Variants in PLXNB3 observed in about 807,000 individuals in gnomAD.
The protein encoded by PLXNB3 is plexin-B3.
Under a neutral mutation model 125.7 loss-of-function variants are expected in PLXNB3, and 80 were observed. The ratio of observed to expected loss-of-function variants is 0.64; its 90% CI spans 0.53 to 0.77. The LOEUF (loss-of-function observed/expected upper bound fraction) is 0.77, where lower values mean the gene tolerates loss of function less well. PLXNB3 is among the 30% of genes least tolerant of loss of function. PLXNB3 has a pLI of 0.00. For missense variants in PLXNB3, 1,836 were observed against 1,729.3 expected (o/e 1.06, Z -1.09); for synonymous variants, 954 against 783.3 (o/e 1.22, Z -3.64).
At chrX:153,776,808 G>C (rs1603250394) in intron 28 of PLXNB3, 79 bp from the exon 29 acceptor site, 1 of 620,069 alleles carries the variant, frequency 1.6e-6, no homozygotes. Context: ...GGGCGGGGAA[G>C]GGCGAGGCAG....
chrX:153,777,484 CCCACACCCTGCCCT>C (rs1557064853), intron 30 of PLXNB3, 30 bp from the exon 31 acceptor site: 1 of 1,195,847 alleles, frequency 8.4e-7, no homozygotes, highest in East Asian at 3.0e-5. Context: ...GTGGATGGCC[CCCACACCCTGCCCT>C]CCACACAGCC....
chrX:153,768,195 T>C (rs2091881328), intron 3 of PLXNB3, 54 bp from the exon 4 acceptor site: 4 of 1,094,179 alleles, frequency 3.7e-6, no homozygotes, highest in Admixed American at 2.4e-5. Flanking sequence ...GTACCCCCCC[T>C]GACTGCCTCT....
In PLXNB3 at chrX:153,777,848, C is replaced by A. The variant is rs782528018; in HGVS notation, c.5262-100C>A. 122 of 1,093,210 alleles carry A rather than the reference C, an allele frequency of 1.1e-4. No homozygotes were observed. The South Asian group carries it at 2.2e-3, about 20-fold the overall frequency. The allele number at this position is 1,093,210 out of a possible 1,213,427, so 90.1% of individuals were successfully genotyped here. On this transcript the variant is annotated intron_variant, in intron 31 of 35. Transcript: ENST00000361971. ...AGGCCACCAGGCCAGCTTCCAGCGG[C>A]CCCTGGCTCCGAGTGTGTTGCCAGT...
intron 12 of PLXNB3, 32 bp from the exon 13 acceptor site, chrX:153,771,278 G>T (rs782434003): frequency 3.5e-6 from 4 of 1,132,235 alleles, no homozygotes; most frequent in Non-Finnish European, 3.6e-6. Flanking sequence ...CCCTGAGTGG[G>T]CACCCAGCCT....
intron 25 of PLXNB3, 75 bp from the exon 26 acceptor site, chrX:153,775,519 G>T (rs1032206231): frequency 7.8e-6 from 9 of 1,155,662 alleles, no homozygotes; most frequent in African/African-American, 3.5e-5. Flanking sequence ...CCCAGCAGGT[G>T]GGGGGAAGGA....
chrX:153,775,875 T>C lies in PLXNB3; in HGVS notation c.4402-12T>C, dbSNP rs782316216. The C allele has an allele frequency of 1.0e-5, 12 of 1,198,830 alleles. No homozygotes were observed. The Admixed American group carries it at 2.2e-4, about 22-fold the overall frequency. The stretch of plus-strand genomic sequence containing the variant: ...CTCGCTTGGCTGATGCCGGCTCATC[T>C]TGGCAGTGCAGGAGGTGGCTGGTGA... On this transcript the variant is annotated splice_polypyrimidine_tract_variant and intron_variant, in intron 26 of 35. Coordinates refer to ENST00000361971, the MANE Select transcript of PLXNB3 (RefSeq NM_005393.3).
chrX:153,767,936 C>T (rs964910374), intron 3 of PLXNB3, 23 bp downstream of exon 3: 5 of 1,082,354 alleles, frequency 4.6e-6, no homozygotes, highest in Non-Finnish European at 4.8e-6. Context: ...CCCTTCCATC[C>T]CCCCTCTCTG....
At position 153,776,472 on chromosome X, in the gene PLXNB3, A is replaced by T. The variant is rs782791334; in HGVS notation, c.4833+13A>T. 1.4e-6 allele frequency: 1 copy of T among 700,135 alleles called. No individual in the cohort carries two copies. The highest frequency in any genetic ancestry group is 4.6e-5 in the East Asian group (1 of 21,616). The allele number at this position is 700,135 out of a possible 1,213,427, so 57.7% of individuals were successfully genotyped here. A position where few individuals can be genotyped will look rare whatever the true frequency, so the allele number is the denominator to read the frequency against. ...GCAACACTACAAGGTGTGAGCAGGG[A>T]CGGGGCGAGGCAGGGCGGGGCTGGG... On this transcript the variant is annotated intron_variant, in intron 28 of 35. Transcript: ENST00000361971.
Position 153,775,228 on chromosome X carries a change from A to G in PLXNB3, c.4159A>G (p.Ile1387Val). ...TGAGCCTCCGACCCCTGCTCAGCTC[A>G]TCCACACCCTGGAGGAGCAGCCCAG... ...LNSKLFLLTLIHTLEEQPSFS... is the reference protein window; with the variant it reads ...LNSKLFLLTLVHTLEEQPSFS... The change falls in exon 25 of 36, where the codon ATC (isoleucine) becomes GTC (valine). Residue 1387 changes from isoleucine (I) to valine (V), a missense_variant. Physicochemically the swap from Ile to Val is conservative, Grantham distance 29. Transcript: ENST00000361971. The G allele has an allele frequency of 1.7e-6, 2 of 1,180,228 alleles. No homozygotes were observed. Among genetic ancestry groups the G allele is most frequent in the Non-Finnish European group, 2.3e-6 (2 of 879,354 alleles).
rs782472336 is a variant in PLXNB3 at position 153,766,295 on chromosome X, C to T, written c.46-578C>T. ...CTCTTTCCCCCAGCTGCGGAGGGTT[C>T]CTCCTTGCAGCCGGCCCTGGCTGCC... On this transcript the variant is annotated intron_variant, in intron 2 of 35. Coordinates refer to ENST00000361971, the MANE Select transcript of PLXNB3 (RefSeq NM_005393.3). 1.2e-5 allele frequency: 14 copies of T among 1,163,348 alleles called. No individual in the cohort carries two copies. The East Asian group carries it at 4.3e-4, about 35-fold the overall frequency.
intron 2 of PLXNB3, chrX:153,766,379 T>TCA (rs2091857838): frequency 9.1e-7 from 1 of 1,103,299 alleles, no homozygotes; most frequent in African/African-American, 1.9e-5. Context: ...CTCACTCCTC[T>TCA]CACCTGACTT....
rs934807409 is a variant in PLXNB3, at chrX:153,777,664, C to T, written c.5237C>T (p.Thr1746Ile). Residue 1746 changes from threonine (T) to isoleucine (I), a missense_variant, in exon 31 of 36, where the codon ACC (threonine) becomes ATC (isoleucine). Thr to Ile is a moderately conservative substitution (Grantham distance 89). Transcript: ENST00000361971. ...AEKHGIEDPGTLHIWKTNSLL... is the reference protein window; with the variant it reads ...AEKHGIEDPGILHIWKTNSLL... ...AAGCACGGCATCGAGGACCCAGGGACCCTGCACATCTGGAAGACCAACAGG... is the reference window on the plus strand; with the variant it reads ...AAGCACGGCATCGAGGACCCAGGGATCCTGCACATCTGGAAGACCAACAGG... 8.3e-7 allele frequency: 1 copy of T among 1,211,664 alleles called. No homozygotes were observed.
chrX:153,773,326 G>T lies in PLXNB3; in HGVS notation c.3003G>T (p.Gln1001His), dbSNP rs2091953871. 1 of 1,208,494 alleles carries T rather than the reference G, an allele frequency of 8.3e-7. No homozygotes were observed. The highest frequency in any genetic ancestry group is 2.2e-5 in the Admixed American group (1 of 45,923). The part of the protein sequence containing the change: ...AAVLVVFGHA[Q>H]RTLLASPFRY... ...TCCTTGTGGTCTTTGGCCATGCCCAGCGCACACTGCTCGCCAGCCCCTTCC... is the reference window on the plus strand; with the variant it reads ...TCCTTGTGGTCTTTGGCCATGCCCATCGCACACTGCTCGCCAGCCCCTTCC... The change falls in exon 18 of 36, where the codon CAG (glutamine) becomes CAT (histidine). Residue 1001 changes from glutamine to histidine, a missense_variant. By Grantham distance (24) the Gln-to-His change is conservative (BLOSUM62 0). Transcript: ENST00000361971.
Position 153,772,252 on chromosome X carries a change from C to G in PLXNB3, c.2740C>G (p.Pro914Ala). ...CGTCCGGGTGGCCATTAAGAGCCAGCCACCAGGCATCTCAAGCCAGCACTT... is the reference window on the plus strand; with the variant it reads ...CGTCCGGGTGGCCATTAAGAGCCAGGCACCAGGCATCTCAAGCCAGCACTT... ...GPVRVAIKSQ[P>A]PGISSQHFTY... Residue 914 changes from proline to alanine, a missense_variant, in exon 16 of 36, where the codon CCA becomes GCA. Physicochemically the swap from Pro to Ala is conservative, Grantham distance 27. Transcript: ENST00000361971. 3 of 1,208,749 alleles carry G rather than the reference C, an allele frequency of 2.5e-6. No homozygotes were observed. Among genetic ancestry groups the G allele is most frequent in the Non-Finnish European group, 3.4e-6 (3 of 893,421 alleles).
In PLXNB3 at chrX:153,777,735, G is replaced by T. The variant is rs782468621; in HGVS notation, c.5261+47G>T. The T allele has an allele frequency of 2.5e-5, 29 of 1,169,216 alleles. No homozygotes were observed. The African/African-American group carries it at 4.8e-4, about 19-fold the overall frequency. On this transcript the variant is annotated intron_variant, in intron 31 of 35. Coordinates refer to ENST00000361971, the MANE Select transcript of PLXNB3 (RefSeq NM_005393.3). ...CCCTGCTGTGCATATGGTCCACTGAGTCCCAGAGAGACCAGGACATTCCCA... is the reference window on the plus strand; with the variant it reads ...CCCTGCTGTGCATATGGTCCACTGATTCCCAGAGAGACCAGGACATTCCCA...
Position 153,776,986 on chromosome X carries a change from T to G in PLXNB3, c.4927+6T>G. The stretch of plus-strand genomic sequence containing the variant: ...GAGGTGCCCCTTGGGAGAGAGTGAG[T>G]CCCTCGGCCCTGACCTGGGGCCACT... On this transcript the variant is annotated splice_donor_region_variant and intron_variant, in intron 29 of 35. Coordinates refer to ENST00000361971, the MANE Select transcript of PLXNB3 (RefSeq NM_005393.3). 8.7e-7 allele frequency: 1 copy of G among 1,146,577 alleles called. No homozygotes were observed. Among genetic ancestry groups the G allele is most frequent in the East Asian group, 3.1e-5 (1 of 32,400 alleles). 94.5% of individuals were successfully genotyped at this position (1,146,577 alleles called of 1,213,427 possible).
In PLXNB3 at chrX:153,775,667, G is replaced by A. The variant is rs371708670; in HGVS notation, c.4401+7G>A. 93 of 1,204,159 alleles carry A rather than the reference G, an allele frequency of 7.7e-5. No individual in the cohort carries two copies. The highest frequency in any genetic ancestry group is 9.8e-5 in the Non-Finnish European group (87 of 890,284). Reference sequence around the variant, plus strand: ...CCTGTACGCCTTCCTGAGGGTGAGGGGCACTGTCCCGCCTGCTCCCAGCCC... The same window carrying A: ...CCTGTACGCCTTCCTGAGGGTGAGGAGCACTGTCCCGCCTGCTCCCAGCCC... On this transcript the variant is annotated splice_region_variant and intron_variant, in intron 26 of 35. Coordinates refer to ENST00000361971, the MANE Select transcript of PLXNB3 (RefSeq NM_005393.3).
At chrX:153,769,580 G>C (rs2091900832) in intron 6 of PLXNB3, among the ~76,000 whole-genome samples, 1 of 113,033 alleles carries the variant, frequency 8.8e-6, no homozygotes, top group Non-Finnish European at 1.9e-5. Flanking sequence ...CTGAGTCACT[G>C]TGCGTCCCTC....
At position 153,770,186 on chromosome X, in the gene PLXNB3, G is replaced by A. The variant is rs1557061131; in HGVS notation, c.1724G>A (p.Gly575Glu). Residue 575 changes from glycine to glutamate, a missense_variant, in exon 8 of 36, where the codon GGG becomes GAG. By Grantham distance (98) the Gly-to-Glu change is moderately conservative. Transcript: ENST00000361971. ...GDYDSLAHVE[G>E]PHVACVTPPQ... Reference sequence around the variant, plus strand: ...TATGACAGCTTGGCTCATGTGGAAGGGCCCCACGTGGCCTGTGTCACCCCT... The same window carrying A: ...TATGACAGCTTGGCTCATGTGGAAGAGCCCCACGTGGCCTGTGTCACCCCT... 1 of 1,210,972 alleles carries A rather than the reference G, an allele frequency of 8.3e-7. No homozygotes were observed.
Sources: gnomAD v4.1 joint callset for allele counts (sites outside exome capture counted in the v4.1 genomes callset) on GRCh38, gnomAD v4.1.1 for gene constraint, MANE v1.5 for transcripts, NCBI Gene and HGNC (gene_info 2026-07-23, HGNC 2026-07-21) for gene names.